Variants in USP6NL observed in about 807,000 individuals in gnomAD.
USP6NL encodes USP6 N-terminal-like protein.
A neutral mutation model predicts 61.9 loss-of-function variants in USP6NL; 26 were observed. That is an observed-to-expected ratio of 0.42 (90% confidence interval 0.31 to 0.58). USP6NL has a LOEUF of 0.58. Ranked by LOEUF, USP6NL falls within the 20% of genes least tolerant of loss-of-function variation. The probability of loss-of-function intolerance (pLI) is 0.16; values close to 1 mark genes in which losing one functional copy is unlikely to be tolerated. For synonymous variants in USP6NL, 432 were observed against 390.1 expected (o/e 1.11, Z -1.27); for missense variants, 1,114 against 1,034.3 (o/e 1.08, Z -1.06).
chr10:11,588,418 A>G (rs1838051154), intron 2 of USP6NL, among the ~76,000 whole-genome samples: 1 of 152,220 alleles, frequency 6.6e-6, no homozygotes, highest in African/African-American at 2.4e-5. Context: ...TGAGGTACAT[A>G]TGGGAAAAGG....
chr10:11,481,792 T>A lies in USP6NL; in HGVS notation c.1056A>T (p.Ala352=). 1 of 1,612,676 alleles carries A rather than the reference T, an allele frequency of 6.2e-7. No individual in the cohort carries two copies. The highest frequency in any genetic ancestry group is 8.5e-7 in the Non-Finnish European group (1 of 1,179,466). ...LQISMTELKR[A]KLDLPEPGKE... ...TACCAGGTTCTGGAAGGTCTAACTT[T>A]GCCCGCTTTAGTTCTGTCATAGAAA... The change falls in exon 14 of 15, where the codon GCA becomes GCT. Residue 352 remains alanine, a synonymous_variant. Transcript: ENST00000609104. This position sits in a 1 kb window ranked among gnomAD's most constrained non-coding sequence, Gnocchi z 4.4.
chr10:11,483,794 T>C (rs1833345309), intron 13 of USP6NL, among the ~76,000 whole-genome samples: 1 of 151,966 alleles, frequency 6.6e-6, no homozygotes, highest in Non-Finnish European at 1.5e-5. Flanking sequence ...ACATAGTCAA[T>C]TGTTTTGTTC....
chr10:11,511,828 T>TACACAC lies in USP6NL; in HGVS notation c.196-2159_196-2154dup, dbSNP rs55781528. Among the ~76,000 whole-genome samples, 1,109 of 149,896 alleles carry TACACAC rather than the reference T, an allele frequency of 7.4e-3. 9 individuals are homozygous for TACACAC. The highest frequency in any genetic ancestry group is 0.012 in the Non-Finnish European group (814 of 67,392). ...AAATAAAATAAAATAATATATATTATACACACACACACACACACACACCCC... is the reference window on the plus strand; with the variant it reads ...AAATAAAATAAAATAATATATATTATACACACACACACACACACACACACACACCCC... On this transcript the variant is annotated intron_variant, in intron 5 of 14. Transcript: ENST00000609104. This position sits in a 1 kb window ranked among gnomAD's most constrained non-coding sequence, Gnocchi z 4.9.
intron 2 of USP6NL, among the ~76,000 whole-genome samples, chr10:11,544,493 C>CA (rs1403896772): frequency 6.8e-6 from 1 of 147,178 alleles, no homozygotes; most frequent in Non-Finnish European, 1.5e-5. Context: ...TCTCTCTTTT[C>CA]TTTTTTTTTT....
At chr10:11,486,845 C>G (rs1039141889) in intron 10 of USP6NL, among the ~76,000 whole-genome samples, 1 of 151,972 alleles carries the variant, frequency 6.6e-6, no homozygotes, top group Non-Finnish European at 1.5e-5. Context: ...GTCCATTTTC[C>G]CCCCAGAAAG....
chr10:11,519,487 AG>A (rs897724326), intron 4 of USP6NL, among the ~76,000 whole-genome samples: 1 of 152,090 alleles, frequency 6.6e-6, no homozygotes, highest in African/African-American at 2.4e-5. Context: ...AAAATTAAAC[AG>A]GTATGTTGGC....
intron 5 of USP6NL, among the ~76,000 whole-genome samples, chr10:11,514,609 T>C (rs1261555725): frequency 6.6e-6 from 1 of 152,208 alleles, no homozygotes; most frequent in Non-Finnish European, 1.5e-5. Context: ...ATTTGTCTTT[T>C]ACCATTTCTT....
At position 11,541,269 on chromosome 10, in the gene USP6NL, A is replaced by G. The variant is rs189022725; in HGVS notation, c.5-13702T>C. Among the ~76,000 whole-genome samples the G allele has an allele frequency of 6.3e-3, 824 of 130,682 alleles. 20 individuals carry two copies. Among genetic ancestry groups the G allele is most frequent in the Admixed American group, 0.025 (320 of 12,818 alleles). The allele number at this position is 130,682 out of a possible 152,430, so 85.7% of individuals were successfully genotyped here. ...TATATATATATATATATATATATAT[A>G]TATATATGTATGTCACTCTTCAGGA... On this transcript the variant is annotated intron_variant, in intron 2 of 14. Coordinates refer to ENST00000609104, the MANE Select transcript of USP6NL (RefSeq NM_014688.5).
rs1838328548 is a variant in USP6NL at position 11,596,409 on chromosome 10, C to T, written c.4+1222G>A. Among the ~76,000 whole-genome samples the T allele has an allele frequency of 6.6e-6, 1 of 152,066 alleles. No homozygotes were observed. The highest frequency in any genetic ancestry group is 6.5e-5 in the Admixed American group (1 of 15,270). On this transcript the variant is annotated intron_variant, in intron 2 of 14. Transcript: ENST00000609104. The surrounding 1 kb of genome is among the most constrained non-coding windows in gnomAD (Gnocchi z 4.1). ...GGCTGAGGCGGGCGGATCACAAGGT[C>T]AGGAGATCGAGACCATCCTGACTAA...
At chr10:11,469,507 AC>A (rs1566113948) in intron 14 of USP6NL, among the ~76,000 whole-genome samples, 1 of 152,218 alleles carries the variant, frequency 6.6e-6, no homozygotes, top group Non-Finnish European at 1.5e-5. Context: ...CTAAATGATA[AC>A]CTCTCTTTAG....
chr10:11,518,614 C>A lies in USP6NL; in HGVS notation c.156-40G>T, dbSNP rs757009959. ...CAGTATTATATGAAATTGTTGAAAT[C>A]AAAACAAACTTTTAAAAGCTTATAT... On this transcript the variant is annotated intron_variant, in intron 4 of 14. Coordinates refer to ENST00000609104, the MANE Select transcript of USP6NL (RefSeq NM_014688.5). This position sits in a 1 kb window ranked among gnomAD's most constrained non-coding sequence, Gnocchi z 5.3. The A allele has an allele frequency of 6.5e-7, 1 of 1,536,518 alleles. No homozygotes were observed. Among genetic ancestry groups the A allele is most frequent in the Non-Finnish European group, 8.9e-7 (1 of 1,120,452 alleles).
chr10:11,608,446 A>G (rs1347006649), intron 1 of USP6NL, among the ~76,000 whole-genome samples: 1 of 152,216 alleles, frequency 6.6e-6, no homozygotes, highest in Non-Finnish European at 1.5e-5. Flanking sequence ...GAACTCATAC[A>G]GAAGCAGCTT....
chr10:11,515,874 C>T (rs1409093925), intron 5 of USP6NL, among the ~76,000 whole-genome samples: 2 of 152,102 alleles, frequency 1.3e-5, no homozygotes, highest in Non-Finnish European at 2.9e-5. Context: ...ATTGGAAAGT[C>T]TATCAGTCAT....
At chr10:11,514,903 T>C (rs957649564) in intron 5 of USP6NL, among the ~76,000 whole-genome samples, 1 of 152,248 alleles carries the variant, frequency 6.6e-6, no homozygotes, top group African/African-American at 2.4e-5. Context: ...TATCTCTCCA[T>C]TACCTCTACT....
chr10:11,479,144 ATATGGG>A (rs1362175786), intron 14 of USP6NL, among the ~76,000 whole-genome samples: 1 of 152,220 alleles, frequency 6.6e-6, no homozygotes, highest in African/African-American at 2.4e-5. Context: ...TAGAAGAGAA[ATATGGG>A]TACTTAAGAA....
chr10:11,501,927 G>C (rs982837730), intron 6 of USP6NL, among the ~76,000 whole-genome samples: 1 of 152,066 alleles, frequency 6.6e-6, no homozygotes, highest in Non-Finnish European at 1.5e-5. Flanking sequence ...TCTTCATCAA[G>C]GGAAGACATC....
At chr10:11,555,587 A>C (rs1355116900) in intron 2 of USP6NL, among the ~76,000 whole-genome samples, 1 of 151,560 alleles carries the variant, frequency 6.6e-6, no homozygotes, top group African/African-American at 2.4e-5. Flanking sequence ...AGAGTCCTAG[A>C]GAGGACAGAT....
chr10:11,485,785 G>C lies in USP6NL; in HGVS notation c.759+32C>G, dbSNP rs1833438718. ...CCCAGCTTTTTTTGGGGGGTGGGTA[G>C]GTGGGTGTAAGTCAGTGGCACATCT... On this transcript the variant is annotated intron_variant, in intron 11 of 14. Coordinates refer to ENST00000609104, the MANE Select transcript of USP6NL (RefSeq NM_014688.5). This position sits in a 1 kb window ranked among gnomAD's most constrained non-coding sequence, Gnocchi z 4.8. 2 of 1,429,076 alleles carry C rather than the reference G, an allele frequency of 1.4e-6. No individual in the cohort carries two copies. Among genetic ancestry groups the C allele is most frequent in the Non-Finnish European group, 9.5e-7 (1 of 1,052,294 alleles). 88.5% of individuals were successfully genotyped at this position (1,429,076 alleles called of 1,614,324 possible). A position where few individuals can be genotyped will look rare whatever the true frequency, so the allele number is the denominator to read the frequency against.
In USP6NL at chr10:11,555,836, T is replaced by C. The variant is rs147204213; in HGVS notation, c.5-28269A>G. On this transcript the variant is annotated intron_variant, in intron 2 of 14. Transcript: ENST00000609104. Reference sequence around the variant, plus strand: ...AATTTCTAAACAGAAACTATGAAAGTCAGAAGATAATGAAATTACACTCTT... The same window carrying C: ...AATTTCTAAACAGAAACTATGAAAGCCAGAAGATAATGAAATTACACTCTT... Among the ~76,000 whole-genome samples, 1,397 of 152,166 alleles carry C rather than the reference T, an allele frequency of 9.2e-3. 14 individuals are homozygous for C. The highest frequency in any genetic ancestry group is 0.032 in the African/African-American group (1,309 of 41,506).
Sources: allele counts gnomAD v4.1 joint callset (sites outside exome capture counted in the v4.1 genomes callset), GRCh38; gene constraint gnomAD v4.1.1; non-coding constraint Gnocchi (gnomAD v3.1); transcripts MANE v1.5; gene names NCBI Gene and HGNC (gene_info 2026-07-23, HGNC 2026-07-21).